Variants in SGCZ observed in about 807,000 individuals in gnomAD.
SGCZ encodes sarcoglycan zeta, also known as zeta-sarcoglycan.
SGCZ carries 40 observed loss-of-function variants against 41.3 expected under a neutral mutation model. The ratio of observed to expected loss-of-function variants is 0.97; its 90% CI spans 0.75 to 1.26. The LOEUF (loss-of-function observed/expected upper bound fraction) is 1.26. Among genes scored for constraint, SGCZ ranks in the 50% most tolerant of loss-of-function variants. The pLI is 0.00. For missense variants in SGCZ, 552 were observed against 369.8 expected (o/e 1.49, Z -4.04); for synonymous variants, 206 against 137.5 (o/e 1.50, Z -3.49).
intron 1 of SGCZ, among the ~76,000 whole-genome samples, chr8:14,946,724 G>A (rs1207983776): frequency 6.9e-6 from 1 of 144,510 alleles, no homozygotes; most frequent in Non-Finnish European, 1.5e-5. Context: ...TGCCCAGGCT[G>A]GAGTGCAGCA....
At chr8:14,262,492 C>T (rs897725712) in intron 3 of SGCZ, among the ~76,000 whole-genome samples, 2 of 151,894 alleles carry the variant, frequency 1.3e-5, no homozygotes, top group African/African-American at 4.8e-5. Context: ...CCACATGTGA[C>T]AAATAGCCAT....
intron 2 of SGCZ, among the ~76,000 whole-genome samples, chr8:14,326,564 T>C (rs1272986627): frequency 6.6e-6 from 1 of 152,098 alleles, no homozygotes; most frequent in Non-Finnish European, 1.5e-5. Flanking sequence ...TGGGTTAAAT[T>C]AAAATTAGGA....
intron 7 of SGCZ, among the ~76,000 whole-genome samples, chr8:14,098,712 TAAG>T (rs1465810587): frequency 2.0e-5 from 3 of 152,044 alleles, no homozygotes; most frequent in African/African-American, 4.8e-5. Flanking sequence ...ATAACACAAT[TAAG>T]GAGGGGGATA....
At chr8:14,829,305 T>C (rs1802445814) in intron 1 of SGCZ, among the ~76,000 whole-genome samples, 1 of 141,272 alleles carries the variant, frequency 7.1e-6, no homozygotes, top group African/African-American at 2.9e-5. Flanking sequence ...AAAAACTGCA[T>C]TGACATCATT....
chr8:15,068,728 C>G (rs556258852), intron 1 of SGCZ, among the ~76,000 whole-genome samples: 1 of 152,266 alleles, frequency 6.6e-6, no homozygotes, highest in South Asian at 2.1e-4. Flanking sequence ...TTGCAAAAAT[C>G]TTCAAAGATA....
chr8:14,263,502 T>C (rs1457769155), intron 3 of SGCZ, among the ~76,000 whole-genome samples: 1 of 152,122 alleles, frequency 6.6e-6, no homozygotes, highest in Non-Finnish European at 1.5e-5. Flanking sequence ...TGAGCCACGA[T>C]GATGCCACTG....
At chr8:14,939,021 G>C (rs530559653) in intron 1 of SGCZ, among the ~76,000 whole-genome samples, 1 of 152,068 alleles carries the variant, frequency 6.6e-6, no homozygotes, top group Non-Finnish European at 1.5e-5. Flanking sequence ...AAAACAAACA[G>C]CAGCTACTCC....
At chr8:14,563,619 A>T (rs1804272758) in intron 1 of SGCZ, among the ~76,000 whole-genome samples, 1 of 152,200 alleles carries the variant, frequency 6.6e-6, no homozygotes, top group Non-Finnish European at 1.5e-5. Context: ...CTGTAAGTGT[A>T]GGGATCTGAA....
intron 2 of SGCZ, among the ~76,000 whole-genome samples, chr8:14,371,840 A>G (rs1803921092): frequency 6.6e-6 from 1 of 152,154 alleles, no homozygotes; most frequent in South Asian, 2.1e-4. Context: ...AGATGTACAT[A>G]TGGAGAAGAA....
chr8:15,176,237 T>C (rs1017755162), intron 1 of SGCZ, among the ~76,000 whole-genome samples: 1 of 152,194 alleles, frequency 6.6e-6, no homozygotes, highest in African/African-American at 2.4e-5. Context: ...ACCATGAAAG[T>C]TACTGTCTAG....
At chr8:14,480,286 T>A (rs189041714) in intron 2 of SGCZ, among the ~76,000 whole-genome samples, 1 of 152,278 alleles carries the variant, frequency 6.6e-6, no homozygotes, top group East Asian at 1.9e-4. Flanking sequence ...GCGTCTACAT[T>A]CTACTCCTTT....
intron 2 of SGCZ, among the ~76,000 whole-genome samples, chr8:14,325,745 C>CATATATATATATATAT: frequency 3.9e-5 from 1 of 25,510 alleles, no homozygotes; most frequent in East Asian, 9.5e-4. Context: ...CACACACACA[C>CATATATATATATATAT]ACATATATAT....
intron 2 of SGCZ, among the ~76,000 whole-genome samples, chr8:14,477,350 T>G (rs1397317870): frequency 6.6e-6 from 1 of 152,176 alleles, no homozygotes; most frequent in African/African-American, 2.4e-5. Context: ...TGTTTGATTT[T>G]ATGAGCTCAT....
At chr8:14,527,556 AC>A (rs67257797) in intron 2 of SGCZ, among the ~76,000 whole-genome samples, 9,184 of 152,124 alleles carry the variant, frequency 0.06, 388 homozygotes, top group African/African-American at 0.12. Context: ...TTTTAAAAAA[AC>A]ATCAATAGCC....
chr8:14,227,554 G>C (rs1044942722), intron 4 of SGCZ, among the ~76,000 whole-genome samples: 2 of 151,940 alleles, frequency 1.3e-5, no homozygotes. Flanking sequence ...AAAATATCTA[G>C]AAATAATATT....
At chr8:14,289,525 T>A (rs910510589) in intron 3 of SGCZ, among the ~76,000 whole-genome samples, 1 of 152,112 alleles carries the variant, frequency 6.6e-6, no homozygotes, top group Non-Finnish European at 1.5e-5. Flanking sequence ...GAAGAGACTA[T>A]GACTTTCCCA....
At chr8:15,171,834 T>G (rs2117064602) in intron 1 of SGCZ, among the ~76,000 whole-genome samples, 1 of 152,320 alleles carries the variant, frequency 6.6e-6, no homozygotes, top group Middle Eastern at 3.4e-3. Context: ...CAATTCCATC[T>G]AAAATCATGA....
intron 1 of SGCZ, among the ~76,000 whole-genome samples, chr8:14,902,763 C>G (rs190035545): frequency 8.5e-5 from 13 of 152,156 alleles, no homozygotes; most frequent in Admixed American, 4.6e-4. Flanking sequence ...GACAAATATT[C>G]GAGTTTACTG....
At chr8:14,803,434 G>T (rs1032261551) in intron 1 of SGCZ, among the ~76,000 whole-genome samples, 1 of 152,126 alleles carries the variant, frequency 6.6e-6, no homozygotes, top group African/African-American at 2.4e-5. Context: ...AGGGGTCAGG[G>T]AGTTCCCTTT....
Sources: gnomAD v4.1 joint callset for allele counts (sites outside exome capture counted in the v4.1 genomes callset) on GRCh38, gnomAD v4.1.1 for gene constraint, MANE v1.5 for transcripts, NCBI Gene and HGNC (gene_info 2026-07-23, HGNC 2026-07-21) for gene names.